The following CELF5 variants were observed in gnomAD, a reference collection of about 807,000 sequenced individuals.
The protein encoded by CELF5 is CUG-BP and ETR-3 like factor 5.
Under a neutral mutation model 54.9 loss-of-function variants are expected in CELF5, and 6 were observed. The observed-to-expected ratio is 0.11, with a 90% confidence interval of 0.06 to 0.22. The LOEUF is 0.22. Ranked by LOEUF, CELF5 falls within the 10% of genes least tolerant of loss-of-function variation. CELF5 has a pLI of 1.00. For missense variants in CELF5, 401 were observed against 678.6 expected, an observed-to-expected ratio of 0.59 and a Z score of 4.54; for synonymous variants, 271 against 290.9, an observed-to-expected ratio of 0.93 and a Z score of 0.70.
intron 2 of CELF5, among the ~76,000 whole-genome samples, chr19:3,266,771 G>C (rs1459870095): frequency 6.6e-6 from 1 of 152,226 alleles, no homozygotes; most frequent in Non-Finnish European, 1.5e-5. Context: ...GCCTTTTGGA[G>C]TGAGAATGGG....
chr19:3,234,139 A>T (rs1191653673), intron 1 of CELF5, among the ~76,000 whole-genome samples: 1 of 152,146 alleles, frequency 6.6e-6, no homozygotes, highest in Non-Finnish European at 1.5e-5. Context: ...CACCAGAAGA[A>T]CTTTGTACAC....
In CELF5 at chr19:3,259,166, G is replaced by A. The variant is rs542630078; in HGVS notation, c.342+8099G>A. On this transcript the variant is annotated intron_variant, in intron 2 of 12. Coordinates refer to ENST00000292672, the MANE Select transcript of CELF5 (RefSeq NM_021938.4). ...GGACAAAACTTACCAAGATTTGGAG[G>A]CCAGAACATGCCCAGTGTGCTGTTG... Among the ~76,000 whole-genome samples, 4 of 152,264 alleles carry A rather than the reference G, an allele frequency of 2.6e-5. No individual in the cohort carries two copies. In the East Asian group the frequency reaches 7.7e-4, roughly 29 times the overall value.
At chr19:3,262,508 T>A (rs745445861) in intron 2 of CELF5, among the ~76,000 whole-genome samples, 3 of 152,142 alleles carry the variant, frequency 2.0e-5, no homozygotes, top group African/African-American at 4.8e-5. Context: ...AGCTACCATA[T>A]GGGACGTAGA....
At chr19:3,262,816 G>C (rs547886183) in intron 2 of CELF5, among the ~76,000 whole-genome samples, 38 of 151,844 alleles carry the variant, frequency 2.5e-4, no homozygotes, top group Middle Eastern at 6.8e-3. Flanking sequence ...GCACATGCCT[G>C]TCATCCCAGC....
rs999573186 is a variant in CELF5 at position 3,282,917 on chromosome 19, G to T, written c.1039+419G>T. The stretch of plus-strand genomic sequence containing the variant: ...ACAATCTTGGCTGACTGTAACCTCC[G>T]CTTCCCAGGTTCAAGTGATTCTCCT... On this transcript the variant is annotated intron_variant, in intron 8 of 12. Transcript: ENST00000292672. This position sits in a 1 kb window ranked among gnomAD's most constrained non-coding sequence, Gnocchi z 5.2. Among the ~76,000 whole-genome samples the T allele has an allele frequency of 6.6e-6, 1 of 152,124 alleles. No homozygotes were observed. The highest frequency in any genetic ancestry group is 2.4e-5 in the African/African-American group (1 of 41,412).
intron 2 of CELF5, among the ~76,000 whole-genome samples, chr19:3,265,793 C>A (rs2079873252): frequency 6.6e-6 from 1 of 152,098 alleles, no homozygotes; most frequent in Non-Finnish European, 1.5e-5. Context: ...ACTTTCTTTT[C>A]TTTTCTTTTT....
intron 4 of CELF5, among the ~76,000 whole-genome samples, chr19:3,276,516 G>A (rs1453382986): frequency 2.6e-5 from 4 of 151,008 alleles, no homozygotes; most frequent in Admixed American, 2.6e-4. Context: ...TGAGCATATA[G>A]GGGGTGGGGC....
At chr19:3,280,636 G>A (rs2080134136) in intron 5 of CELF5, among the ~76,000 whole-genome samples, 1 of 152,182 alleles carries the variant, frequency 6.6e-6, no homozygotes. Flanking sequence ...ATGGAGGACA[G>A]AGTCAGGATC....
At position 3,278,046 on chromosome 19, in the gene CELF5, A is replaced by G; in HGVS notation, c.539A>G (p.Lys180Arg). The G allele has an allele frequency of 6.2e-7, 1 of 1,602,860 alleles. No homozygotes were observed. Among genetic ancestry groups the G allele is most frequent in the Admixed American group, 1.7e-5 (1 of 59,612 alleles). The stretch of plus-strand genomic sequence containing the variant: ...CTTGGAGCAGGCTGTGCTTTCGTGA[A>G]GTTCTCCTCCCACACGGAGGCGCAG... ...DGSSKGCAFVKFSSHTEAQAA... is the reference protein window; with the variant it reads ...DGSSKGCAFVRFSSHTEAQAA... The change falls in exon 5 of 13, where the codon AAG becomes AGG. Residue 180 changes from lysine to arginine, a missense_variant. Coordinates refer to ENST00000292672, the MANE Select transcript of CELF5 (RefSeq NM_021938.4). This position sits in a 1 kb window ranked among gnomAD's most constrained non-coding sequence, Gnocchi z 4.5.
At position 3,281,382 on chromosome 19, in the gene CELF5, C is replaced by G. The variant is rs8111871; in HGVS notation, c.750+37C>G. ...AGTGACAGCTTCGGGGCTCCGGCTC[C>G]GTCTCTCTCAGTCTCTGTCTACTCT... On this transcript the variant is annotated intron_variant, in intron 6 of 12. Transcript: ENST00000292672. This position sits in a 1 kb window ranked among gnomAD's most constrained non-coding sequence, Gnocchi z 6.5. 6.3e-7 allele frequency: 1 copy of G among 1,577,224 alleles called. No individual in the cohort carries two copies. Among genetic ancestry groups the G allele is most frequent in the Non-Finnish European group, 8.6e-7 (1 of 1,160,206 alleles).
intron 2 of CELF5, among the ~76,000 whole-genome samples, chr19:3,260,645 CAG>C (rs2079795304): frequency 8.1e-6 from 1 of 123,826 alleles, no homozygotes; most frequent in Non-Finnish European, 1.7e-5. Context: ...TTTTTTGAGA[CAG>C]AGTCTCACGC....
At chr19:3,227,048 C>G (rs1017031637) in intron 1 of CELF5, among the ~76,000 whole-genome samples, 5 of 152,150 alleles carry the variant, frequency 3.3e-5, no homozygotes, top group African/African-American at 1.2e-4. Context: ...TCACCCTCCA[C>G]TTTTTAGGGG....
chr19:3,260,377 C>T (rs1369350056), intron 2 of CELF5, among the ~76,000 whole-genome samples: 1 of 152,126 alleles, frequency 6.6e-6, no homozygotes, highest in Non-Finnish European at 1.5e-5. Context: ...CTCAAATGAT[C>T]CCCCTGCCTC....
At chr19:3,236,187 G>A (rs1022040048) in intron 1 of CELF5, among the ~76,000 whole-genome samples, 1 of 152,132 alleles carries the variant, frequency 6.6e-6, no homozygotes. Context: ...TGCATTGAGG[G>A]ACAGTAAAAA....
rs1917038949 is a variant in CELF5, at chr19:3,228,263, G to T, written c.259+3265G>T. Reference sequence around the variant, plus strand: ...AGGCCCACAGGAAGACCACAAGCCTGCTCCTGCCAGAACTCCGCATCCAGA... The same window carrying T: ...AGGCCCACAGGAAGACCACAAGCCTTCTCCTGCCAGAACTCCGCATCCAGA... On this transcript the variant is annotated intron_variant, in intron 1 of 12. Transcript: ENST00000292672. This position sits in a 1 kb window ranked among gnomAD's most constrained non-coding sequence, Gnocchi z 6.0. Among the ~76,000 whole-genome samples the T allele has an allele frequency of 6.6e-6, 1 of 152,120 alleles. No homozygotes were observed. Among genetic ancestry groups the T allele is most frequent in the African/African-American group, 2.4e-5 (1 of 41,428 alleles).
chr19:3,238,796 C>T (rs559778110), intron 1 of CELF5, among the ~76,000 whole-genome samples: 14 of 152,118 alleles, frequency 9.2e-5, no homozygotes, highest in African/African-American at 1.4e-4. Flanking sequence ...CAGGGTGTGG[C>T]GGCGGGTGCC....
chr19:3,225,101 C>G, intron 1 of CELF5, 103 bp downstream of exon 1: 1 of 754,784 alleles, frequency 1.3e-6, no homozygotes, highest in Non-Finnish European at 2.0e-6. Context: ...GCTCACCTCC[C>G]TCCTCTGCCT....
At chr19:3,293,519 G>GC (rs1276960469) in intron 12 of CELF5, 33 bp downstream of exon 12, 11 of 1,493,336 alleles carry the variant, frequency 7.4e-6, no homozygotes, top group Admixed American at 3.9e-5. Context: ...CCCCGCCCAA[G>GC]CCCCCCGTCT....
At position 3,282,916 on chromosome 19, in the gene CELF5, C is replaced by T. The variant is rs1341808845; in HGVS notation, c.1039+418C>T. Among the ~76,000 whole-genome samples, 6 of 152,148 alleles carry T rather than the reference C, an allele frequency of 3.9e-5. No homozygotes were observed. The highest frequency in any genetic ancestry group is 2.6e-4 in the Admixed American group (4 of 15,274). On this transcript the variant is annotated intron_variant, in intron 8 of 12. Transcript: ENST00000292672. The surrounding 1 kb of genome is among the most constrained non-coding windows in gnomAD (Gnocchi z 5.2). ...CACAATCTTGGCTGACTGTAACCTC[C>T]GCTTCCCAGGTTCAAGTGATTCTCC...
Sources: allele counts gnomAD v4.1 joint callset (sites outside exome capture counted in the v4.1 genomes callset), GRCh38; gene constraint gnomAD v4.1.1; non-coding constraint Gnocchi (gnomAD v3.1); transcripts MANE v1.5; gene names NCBI Gene and HGNC (gene_info 2026-07-23, HGNC 2026-07-21).